GABRG1: variants seen among roughly 807,000 people sequenced by gnomAD.
GABRG1 encodes gamma-aminobutyric acid type A receptor subunit gamma1.
A neutral mutation model predicts 49.8 loss-of-function variants in GABRG1; 49 were observed. The ratio of observed to expected loss-of-function variants is 0.98; its 90% CI spans 0.78 to 1.25. GABRG1 has a LOEUF of 1.25. GABRG1 is among the 50% of genes most tolerant of loss of function. The pLI is 0.00. For synonymous variants in GABRG1, 232 were observed against 185.1 expected, an observed-to-expected ratio of 1.25 and a Z score of -2.06; for missense variants, 552 against 552.3, an observed-to-expected ratio of 1.00 and a Z score of 0.01.
chr4:46,059,902 A>T (rs1232494490), intron 5 of GABRG1, among the ~76,000 whole-genome samples: 2 of 152,102 alleles, frequency 1.3e-5, no homozygotes, highest in African/African-American at 4.8e-5. Context: ...TGCTTCTTTG[A>T]GGAACTGCTT....
chr4:46,115,451 T>C (rs962844831), intron 1 of GABRG1, among the ~76,000 whole-genome samples: 1 of 150,690 alleles, frequency 6.6e-6, no homozygotes, highest in Non-Finnish European at 1.5e-5. Context: ...TTAGGGAAAA[T>C]CATTTTTTTC....
chr4:46,039,625 A>G lies in GABRG1; in HGVS notation c.*1363T>C, dbSNP rs1183241875. The G allele has an allele frequency of 6.6e-6, 1 of 151,872 alleles. No homozygotes were observed. The highest frequency in any genetic ancestry group is 1.9e-4 in the East Asian group (1 of 5,164). 9.4% of individuals were successfully genotyped at this position (151,872 alleles called of 1,614,324 possible). A position where few individuals can be genotyped will look rare whatever the true frequency, so the allele number is the denominator to read the frequency against. ...AAACCTGGTGGTTCTCCAGAAATTT[A>G]TGTGATGAATCTTATAAACAATTGG... is the stretch of plus-strand genomic sequence containing the variant. On this transcript the variant is annotated 3_prime_UTR_variant, in exon 9 of 9. Transcript: ENST00000295452.
chr4:46,110,235 T>C (rs1720673407), intron 1 of GABRG1, among the ~76,000 whole-genome samples: 1 of 151,108 alleles, frequency 6.6e-6, no homozygotes, highest in African/African-American at 2.4e-5. Flanking sequence ...CTGAGTCTTC[T>C]TGTTGAATTG....
chr4:46,078,944 G>C (rs1435558828), intron 3 of GABRG1, among the ~76,000 whole-genome samples: 1 of 151,682 alleles, frequency 6.6e-6, no homozygotes, highest in East Asian at 1.9e-4. Context: ...ATTAAGGTTG[G>C]ATACTTGGCC....
At chr4:46,068,882 T>C (rs1719014061) in intron 3 of GABRG1, among the ~76,000 whole-genome samples, 1 of 152,126 alleles carries the variant, frequency 6.6e-6, no homozygotes, top group Non-Finnish European at 1.5e-5. Flanking sequence ...CAAGAGTTTC[T>C]AAGATAAACA....
At chr4:46,120,984 A>G (rs894809488) in intron 1 of GABRG1, among the ~76,000 whole-genome samples, 1 of 151,852 alleles carries the variant, frequency 6.6e-6, no homozygotes, top group Non-Finnish European at 1.5e-5. Context: ...ATTCTAAAGA[A>G]CTTGTCAAGA....
chr4:46,094,595 A>C (rs113775945), intron 2 of GABRG1, among the ~76,000 whole-genome samples: 2 of 152,036 alleles, frequency 1.3e-5, no homozygotes, highest in African/African-American at 4.8e-5. Context: ...GGCCAAGAAA[A>C]ATGTCAAAAA....
intron 8 of GABRG1, among the ~76,000 whole-genome samples, chr4:46,048,219 A>C (rs1273783014): frequency 1.3e-5 from 2 of 152,038 alleles, no homozygotes. Context: ...AACTTCTTAG[A>C]CTTTCTTGAA....
chr4:46,080,616 T>TTA (rs1243415069), intron 3 of GABRG1, among the ~76,000 whole-genome samples: 1 of 151,790 alleles, frequency 6.6e-6, no homozygotes. Context: ...CATTAATCTT[T>TTA]TATATAGGAA....
chr4:46,072,999 G>C (rs1719188572), intron 3 of GABRG1, among the ~76,000 whole-genome samples: 1 of 151,848 alleles, frequency 6.6e-6, no homozygotes, highest in Non-Finnish European at 1.5e-5. Context: ...TCTGGCAAAA[G>C]AGTAAAGAAT....
rs1052907329 is a variant in GABRG1, at chr4:46,037,016, G to T, written c.*3972C>A. On this transcript the variant is annotated 3_prime_UTR_variant, in exon 9 of 9. Coordinates refer to ENST00000295452, the MANE Select transcript of GABRG1 (RefSeq NM_173536.4). ...AGCTGTTTACCCAGTTGGAAATTGT[G>T]ATCTCTCTCCCTCTTACCTGTTGAA... is the stretch of plus-strand genomic sequence containing the variant. The T allele has an allele frequency of 2.6e-5, 4 of 151,598 alleles. No homozygotes were observed. In the Admixed American group the frequency reaches 2.6e-4, roughly 10 times the overall value. The allele number at this position is 151,598 out of a possible 1,614,324, so 9.4% of individuals were successfully genotyped here. A position where few individuals can be genotyped will look rare whatever the true frequency, so the allele number is the denominator to read the frequency against.
intron 1 of GABRG1, among the ~76,000 whole-genome samples, chr4:46,110,466 G>T (rs1451107179): frequency 6.6e-6 from 1 of 150,776 alleles, no homozygotes; most frequent in African/African-American, 2.4e-5. Flanking sequence ...TATCCAACCT[G>T]CCACTCTGTG....
In GABRG1 at chr4:46,117,964, A is replaced by G. The variant is rs1477624554; in HGVS notation, c.104+5846T>C. On this transcript the variant is annotated intron_variant, in intron 1 of 8. Transcript: ENST00000295452. The stretch of plus-strand genomic sequence containing the variant: ...TGTATACATGTGTATCTATATACAT[A>G]TATACATATGTATACATGTGTATCT... 1.8e-4 allele frequency among the ~76,000 whole-genome samples: 11 copies of G among 62,164 alleles called. No homozygotes were observed. The South Asian group carries it at 5.6e-3, about 31-fold the overall frequency. 40.8% of individuals were successfully genotyped at this position (62,164 alleles called of 152,430 possible).
At position 46,064,454 on chromosome 4, in the gene GABRG1, C is replaced by T. The variant is rs1333096202; in HGVS notation, c.612G>A (p.Leu204=). 5 of 1,522,018 alleles carry T rather than the reference C, an allele frequency of 3.3e-6. No homozygotes were observed. The African/African-American group carries it at 4.3e-5, about 13-fold the overall frequency. The allele number at this position is 1,522,018 out of a possible 1,614,324, so 94.3% of individuals were successfully genotyped here. A position where few individuals can be genotyped will look rare whatever the true frequency, so the allele number is the denominator to read the frequency against. Residue 204 remains leucine (L), a synonymous_variant, in exon 5 of 9, where the codon CTG becomes CTA. Transcript: ENST00000295452. ...NFPMDEHSCP[L]EFSSYGYPKN... ...TTTGTTACTTACAGCTTGAAAATTC[C>T]AGTGGACAGGAATGTTCATCCATGG...
At chr4:46,122,750 A>G (rs1384298624) in intron 1 of GABRG1, among the ~76,000 whole-genome samples, 1 of 152,150 alleles carries the variant, frequency 6.6e-6, no homozygotes, top group African/African-American at 2.4e-5. Context: ...ATAGTTATAA[A>G]GGCATGTTTC....
Position 46,038,913 on chromosome 4 carries a change from T to A in GABRG1, c.*2075A>T, listed in dbSNP as rs1717643124. The stretch of plus-strand genomic sequence containing the variant: ...CACCAGTGAGAAAATCAAAGCTATT[T>A]TTTTTCTTTTACATAGAACGTGGTT... On this transcript the variant is annotated 3_prime_UTR_variant, in exon 9 of 9. Coordinates refer to ENST00000295452, the MANE Select transcript of GABRG1 (RefSeq NM_173536.4). The A allele has an allele frequency of 6.6e-6, 1 of 151,660 alleles. No individual in the cohort carries two copies. The highest frequency in any genetic ancestry group is 1.5e-5 in the Non-Finnish European group (1 of 67,692). 9.4% of individuals were successfully genotyped at this position (151,660 alleles called of 1,614,324 possible). A position where few individuals can be genotyped will look rare whatever the true frequency, so the allele number is the denominator to read the frequency against.
At chr4:46,106,666 T>A (rs1437995878) in intron 1 of GABRG1, among the ~76,000 whole-genome samples, 1 of 151,390 alleles carries the variant, frequency 6.6e-6, no homozygotes, top group Non-Finnish European at 1.5e-5. Flanking sequence ...AATTCAATAA[T>A]TAGGTATATG....
rs1280345966 is a variant in GABRG1 at position 46,123,695 on chromosome 4, ATG to A, written c.104+113_104+114del. ...AATAAAACGATGGTAAATACCACAT[ATG>A]TGTTAGGAAATGCAAATTAATTACT... On this transcript the variant is annotated intron_variant, in intron 1 of 8. Transcript: ENST00000295452. The A allele has an allele frequency of 8.8e-5, 60 of 682,136 alleles. No individual in the cohort carries two copies. In the East Asian group the frequency reaches 1.6e-3, roughly 18 times the overall value. The allele number at this position is 682,136 out of a possible 1,614,324, so 42.3% of individuals were successfully genotyped here.
intron 4 of GABRG1, among the ~76,000 whole-genome samples, chr4:46,065,121 C>A (rs1262196305): frequency 6.6e-6 from 1 of 152,024 alleles, no homozygotes; most frequent in African/African-American, 2.4e-5. Flanking sequence ...TATGCTGCAA[C>A]CTGTTCTGCT....
Sources: allele counts gnomAD v4.1 joint callset (sites outside exome capture counted in the v4.1 genomes callset), GRCh38; gene constraint gnomAD v4.1.1; transcripts MANE v1.5; gene names NCBI Gene and HGNC (gene_info 2026-07-23, HGNC 2026-07-21).